Variants in COL5A2 observed in about 807,000 individuals in gnomAD.
COL5A2 encodes the protein collagen alpha-2(V) chain.
A neutral mutation model predicts 208.2 loss-of-function variants in COL5A2; 23 were observed. The observed-to-expected ratio is 0.11, with a 90% CI of 0.08 to 0.16. The LOEUF is 0.16. COL5A2 is among the 10% of genes least tolerant of loss of function. The pLI, the probability that COL5A2 is intolerant of heterozygous loss-of-function variation, is 1.00. For missense variants in COL5A2, 1,590 were observed against 1,956.4 expected, an observed-to-expected ratio of 0.81 and a Z score of 3.53; for synonymous variants, 625 against 628.5, an observed-to-expected ratio of 0.99 and a Z score of 0.08.
chr2:189,319,231 A>G, the COL5A2 span, among the ~76,000 whole-genome samples: 1 of 152,182 alleles, frequency 6.6e-6, no homozygotes, highest in African/African-American at 2.4e-5. Flanking sequence ...TACAGCTCCC[A>G]GCGTGAGCGG....
chr2:189,106,864 TTAAGA>T (rs1687160657), intron 2 of COL5A2, among the ~76,000 whole-genome samples: 1 of 151,656 alleles, frequency 6.6e-6, no homozygotes, highest in Admixed American at 6.6e-5. Flanking sequence ...CATAGATCTG[TTAAGA>T]TAATTATTTT....
the COL5A2 span, chr2:189,311,950 C>T: frequency 1.0e-5 from 8 of 763,814 alleles, no homozygotes; most frequent in African/African-American, 5.1e-5. Flanking sequence ...TCTCCAGCTG[C>T]AGCCGAGTGA....
the COL5A2 span, among the ~76,000 whole-genome samples, chr2:189,371,742 G>C: frequency 2.6e-5 from 4 of 152,208 alleles, no homozygotes; most frequent in African/African-American, 9.6e-5. Flanking sequence ...CAGGAGCAAA[G>C]AAGTGACTTA....
intron 1 of COL5A2, among the ~76,000 whole-genome samples, chr2:189,112,852 A>G (rs1437606379): frequency 1.3e-5 from 2 of 152,222 alleles, no homozygotes; most frequent in Non-Finnish European, 2.9e-5. Flanking sequence ...ATATCACTTT[A>G]ACACAGTGTA....
chr2:189,052,310 G>T, intron 40 of COL5A2, 85 bp from the exon 41 acceptor site: 1 of 1,237,994 alleles, frequency 8.1e-7, no homozygotes, highest in South Asian at 1.2e-5. Flanking sequence ...TTCACAGGAA[G>T]ACTGAAGCCT....
intron 33 of COL5A2, among the ~76,000 whole-genome samples, chr2:189,058,043 T>C (rs1199293885): frequency 1.3e-5 from 2 of 152,220 alleles, no homozygotes; most frequent in Admixed American, 1.3e-4. Flanking sequence ...GTAAGCAGAA[T>C]TGTGAAACCT....
At chr2:189,235,146 A>G in the COL5A2 span, among the ~76,000 whole-genome samples, 3 of 151,708 alleles carry the variant, frequency 2.0e-5, no homozygotes, top group Non-Finnish European at 4.4e-5. Context: ...TGTCCTCAGT[A>G]GCCACATGAG....
the COL5A2 span, among the ~76,000 whole-genome samples, chr2:189,434,835 T>C: frequency 3.0e-4 from 46 of 152,290 alleles, no homozygotes; most frequent in South Asian, 8.9e-3. Context: ...ACTTTAAAGT[T>C]CATATGGAAC....
chr2:189,393,016 T>A, the COL5A2 span, among the ~76,000 whole-genome samples: 2 of 152,194 alleles, frequency 1.3e-5, no homozygotes, highest in Non-Finnish European at 2.9e-5. Context: ...AATAGAACTC[T>A]ACGCATAAAT....
the COL5A2 span, among the ~76,000 whole-genome samples, chr2:189,359,772 A>G: frequency 6.6e-6 from 1 of 151,732 alleles, no homozygotes; most frequent in Admixed American, 6.6e-5. Context: ...CAGGATTTCT[A>G]TTTTTTTCAT....
At chr2:189,398,189 T>C in the COL5A2 span, among the ~76,000 whole-genome samples, 1 of 152,170 alleles carries the variant, frequency 6.6e-6, no homozygotes, top group Non-Finnish European at 1.5e-5. Flanking sequence ...TCTGCTTTTC[T>C]ATCTGATAAA....
chr2:189,291,437 T>A, the COL5A2 span, among the ~76,000 whole-genome samples: 21 of 152,274 alleles, frequency 1.4e-4, no homozygotes, highest in East Asian at 3.9e-3. Flanking sequence ...AATGACAAAT[T>A]CATAAAATTG....
At chr2:189,166,145 A>G (rs904871592) in intron 1 of COL5A2, among the ~76,000 whole-genome samples, 1 of 151,914 alleles carries the variant, frequency 6.6e-6, no homozygotes, top group African/African-American at 2.4e-5. Flanking sequence ...CATTTCAATG[A>G]TGCTATGTGA....
chr2:189,396,870 T>C, the COL5A2 span, among the ~76,000 whole-genome samples: 12 of 150,156 alleles, frequency 8.0e-5, no homozygotes, highest in Non-Finnish European at 7.4e-5. Flanking sequence ...CGGGCACCTG[T>C]AGTCCCAGCT....
intron 26 of COL5A2, 102 bp from the exon 27 acceptor site, chr2:189,063,372 T>A: frequency 1.0e-6 from 1 of 963,474 alleles, no homozygotes; most frequent in Admixed American, 1.8e-5. Context: ...ACATAAATTT[T>A]AAATTATCTT....
the COL5A2 span, among the ~76,000 whole-genome samples, chr2:189,412,557 G>A: frequency 8.5e-3 from 1,288 of 152,282 alleles, 18 homozygotes; most frequent in African/African-American, 0.029. Flanking sequence ...CATGTGGTCT[G>A]TCTGTATTTT....
At chr2:189,155,819 T>C (rs1377477499) in intron 1 of COL5A2, among the ~76,000 whole-genome samples, 4 of 152,216 alleles carry the variant, frequency 2.6e-5, no homozygotes, top group Admixed American at 6.5e-5. Flanking sequence ...TGGGTTTCAC[T>C]GGGCTAACAT....
chr2:189,206,229 GC>G (rs1689141771), intron 1 of COL5A2, among the ~76,000 whole-genome samples: 1 of 152,136 alleles, frequency 6.6e-6, no homozygotes, highest in Non-Finnish European at 1.5e-5. Context: ...TAAACAAATG[GC>G]AAGAGCAAGA....
At chr2:189,326,805 T>G in the COL5A2 span, among the ~76,000 whole-genome samples, 1 of 151,886 alleles carries the variant, frequency 6.6e-6, no homozygotes, top group African/African-American at 2.4e-5. Flanking sequence ...GCGCGGTGGT[T>G]CACACCTGTA....
Sources: gnomAD v4.1 joint callset for allele counts (sites outside exome capture counted in the v4.1 genomes callset) on GRCh38, gnomAD v4.1.1 for gene constraint, MANE v1.5 for transcripts, NCBI Gene and HGNC (gene_info 2026-07-23, HGNC 2026-07-21) for gene names.